The following TACR1 variants were observed in gnomAD, a reference collection of about 807,000 sequenced individuals.
TACR1 encodes the protein substance-P receptor.
TACR1 carries 25 observed loss-of-function variants against 35.8 expected under a neutral mutation model. The observed-to-expected ratio is 0.70, with a 90% confidence interval of 0.51 to 0.98. The LOEUF (loss-of-function observed/expected upper bound fraction) is 0.98, where lower values mean the gene tolerates loss of function less well. Ranked by LOEUF, TACR1 falls within the 50% of genes least tolerant of loss-of-function variation. The pLI is 0.00. For missense variants in TACR1, 478 were observed against 522.9 expected, an observed-to-expected ratio of 0.91 and a Z score of 0.84; for synonymous variants, 195 against 206.7, an observed-to-expected ratio of 0.94 and a Z score of 0.48.
chr2:75,076,015 A>G (rs928474001), intron 2 of TACR1, among the ~76,000 whole-genome samples: 1 of 152,236 alleles, frequency 6.6e-6, no homozygotes, highest in African/African-American at 2.4e-5. Context: ...TCACAACCAT[A>G]GTGGGAGATT....
intron 1 of TACR1, chr2:75,154,526 A>ACACACACACACTCTCT (rs1379600710): frequency 8.5e-6 from 1 of 117,216 alleles, no homozygotes; most frequent in African/African-American, 4.5e-5. Context: ...ACACACACAC[A>ACACACACACACTCTCT]CTCTCTGAAG....
chr2:75,053,470 C>G (rs1343243173), intron 3 of TACR1, 135 bp downstream of exon 3: 1 of 1,156,874 alleles, frequency 8.6e-7, no homozygotes, highest in Non-Finnish European at 1.1e-6. Flanking sequence ...AAAGATTCCT[C>G]TCCTCCTCTC....
chr2:75,067,142 T>C (rs1672778898), intron 2 of TACR1, among the ~76,000 whole-genome samples: 2 of 152,138 alleles, frequency 1.3e-5, no homozygotes, highest in African/African-American at 4.8e-5. Flanking sequence ...ACAGGGACTT[T>C]TTTTTGATAG....
chr2:75,084,075 G>A (rs1673143849), intron 2 of TACR1, among the ~76,000 whole-genome samples: 1 of 152,154 alleles, frequency 6.6e-6, no homozygotes. Context: ...GTCATAAATA[G>A]CTCTTATTAT....
At chr2:75,173,889 A>G (rs1675348636) in intron 1 of TACR1, among the ~76,000 whole-genome samples, 1 of 152,116 alleles carries the variant, frequency 6.6e-6, no homozygotes, top group South Asian at 2.1e-4. Context: ...GAGGTGTCTT[A>G]CTCTGCTCCA....
Position 75,176,221 on chromosome 2 carries a change from A to G in TACR1, c.389+22325T>C, listed in dbSNP as rs78100998. Among the ~76,000 whole-genome samples, 245 of 152,194 alleles carry G rather than the reference A, an allele frequency of 1.6e-3. 2 individuals are homozygous for G. Among genetic ancestry groups the G allele is most frequent in the African/African-American group, 5.7e-3 (238 of 41,554 alleles). On this transcript the variant is annotated intron_variant, in intron 1 of 4. Coordinates refer to ENST00000305249, the MANE Select transcript of TACR1 (RefSeq NM_001058.4). ...CTGCTTTTTTCTCATTCTCTTTTAT[A>G]ATACAGTTAGGACATTATATTGATT...
At chr2:75,113,410 C>T (rs2103892349) in intron 2 of TACR1, among the ~76,000 whole-genome samples, 1 of 152,208 alleles carries the variant, frequency 6.6e-6, no homozygotes. Context: ...CACTTGGTGG[C>T]TGCCTCCTGT....
intron 2 of TACR1, among the ~76,000 whole-genome samples, chr2:75,117,171 C>T (rs1673883185): frequency 6.7e-6 from 1 of 150,224 alleles, no homozygotes; most frequent in Admixed American, 6.6e-5. Flanking sequence ...GTGTGTGAAG[C>T]CCATGTTCAA....
Position 75,198,561 on chromosome 2 carries a change from G to T in TACR1, c.374C>A (p.Ala125Asp). Reference sequence around the variant, plus strand: ...CTAATCTCACCTATCAAAGGCCACAGCCGTCATGGAGTAGATACTGGCGAA... The same window carrying T: ...CTAATCTCACCTATCAAAGGCCACATCCGTCATGGAGTAGATACTGGCGAA... ...AVFASIYSMT[A>D]VAFDRYMAII... Residue 125 changes from alanine to aspartate, a missense_variant, in exon 1 of 5, where the codon GCT becomes GAT. By Grantham distance (126) the Ala-to-Asp change is moderately radical (BLOSUM62 -2). Coordinates refer to ENST00000305249, the MANE Select transcript of TACR1 (RefSeq NM_001058.4). The T allele has an allele frequency of 1.2e-6, 2 of 1,613,102 alleles. No individual in the cohort carries two copies. The highest frequency in any genetic ancestry group is 1.7e-6 in the Non-Finnish European group (2 of 1,179,136).
At chr2:75,152,725 A>G (rs1227780451) in intron 1 of TACR1, among the ~76,000 whole-genome samples, 1 of 152,196 alleles carries the variant, frequency 6.6e-6, no homozygotes, top group African/African-American at 2.4e-5. Flanking sequence ...AATATCACTA[A>G]ACAGGTGTAT....
At chr2:75,085,706 A>G (rs1170705207) in intron 2 of TACR1, among the ~76,000 whole-genome samples, 2 of 152,128 alleles carry the variant, frequency 1.3e-5, no homozygotes, top group Non-Finnish European at 2.9e-5. Context: ...AATAACGGTG[A>G]CCTGGCTGGA....
At chr2:75,072,639 C>T (rs2103818484) in intron 2 of TACR1, among the ~76,000 whole-genome samples, 1 of 152,318 alleles carries the variant, frequency 6.6e-6, no homozygotes, top group South Asian at 2.1e-4. Flanking sequence ...GGCTTCCTGG[C>T]ATCAGACTCT....
intron 2 of TACR1, among the ~76,000 whole-genome samples, chr2:75,067,099 G>T (rs1260079865): frequency 6.6e-6 from 1 of 152,226 alleles, no homozygotes; most frequent in African/African-American, 2.4e-5. Flanking sequence ...GAGGGGAGCA[G>T]TGGGAGATTA....
At chr2:75,138,863 C>T (rs1674347947) in intron 1 of TACR1, among the ~76,000 whole-genome samples, 1 of 152,140 alleles carries the variant, frequency 6.6e-6, no homozygotes, top group African/African-American at 2.4e-5. Context: ...TAAATACCAC[C>T]CCTCCTCTCA....
intron 1 of TACR1, among the ~76,000 whole-genome samples, chr2:75,146,227 A>G (rs1674509003): frequency 6.6e-6 from 1 of 152,136 alleles, no homozygotes; most frequent in African/African-American, 2.4e-5. Context: ...GGTTCAAGCA[A>G]TTCTCCCATC....
chr2:75,191,020 C>T (rs143166129), intron 1 of TACR1, among the ~76,000 whole-genome samples: 187 of 152,326 alleles, frequency 1.2e-3, no homozygotes, highest in African/African-American at 4.4e-3. Context: ...AGCATTAAAA[C>T]TCATGCTGAT....
intron 1 of TACR1, among the ~76,000 whole-genome samples, chr2:75,182,357 G>A (rs145841668): frequency 6.6e-6 from 1 of 152,306 alleles, no homozygotes; most frequent in Non-Finnish European, 1.5e-5. Context: ...GCAGGCAACT[G>A]TAAATGGCTT....
chr2:75,162,575 A>G (rs1675036945), intron 1 of TACR1, among the ~76,000 whole-genome samples: 1 of 152,264 alleles, frequency 6.6e-6, no homozygotes, highest in South Asian at 2.1e-4. Flanking sequence ...ATCAAAGGAA[A>G]TAGATCTATT....
chr2:75,050,960 T>G, intron 4 of TACR1: 2 of 422,696 alleles, frequency 4.7e-6, no homozygotes, highest in Non-Finnish European at 8.8e-6. Context: ...CCACAGAAGT[T>G]TTTAATTCCC....
Sources: gnomAD v4.1 joint callset for allele counts (sites outside exome capture counted in the v4.1 genomes callset) on GRCh38, gnomAD v4.1.1 for gene constraint, MANE v1.5 for transcripts, NCBI Gene and HGNC (gene_info 2026-07-23, HGNC 2026-07-21) for gene names.